Variants in CST4 observed in about 807,000 individuals in gnomAD.
CST4 encodes cystatin S.
In CST4, 17 loss-of-function variants were observed where a neutral mutation model predicts 11.2. The ratio of observed to expected loss-of-function variants is 1.52; its 90% CI spans 1.04 to 2.27. The LOEUF is 2.27. CST4 is among the 30% of genes most tolerant of loss of function. The pLI is 0.00. For synonymous variants in CST4, 93 were observed against 70.1 expected (o/e 1.33, Z -1.63); for missense variants, 251 against 180.2 (o/e 1.39, Z -2.25).
At chr20:23,686,421 C>G (rs2405675) in intron 2 of CST4, among the ~76,000 whole-genome samples, 9 of 152,092 alleles carry the variant, frequency 5.9e-5, no homozygotes, top group Non-Finnish European at 4.4e-5. Flanking sequence ...AGGGGAGTGC[C>G]GCTCTCCCCT....
chr20:23,688,588 G>T (rs1051400666), intron 1 of CST4, among the ~76,000 whole-genome samples, 154 bp downstream of exon 1: 2 of 152,194 alleles, frequency 1.3e-5, no homozygotes, highest in Non-Finnish European at 1.5e-5. Flanking sequence ...GCATGCTTAG[G>T]CATGAAGGGC....
At chr20:23,687,569 A>G (rs1024513903) in intron 1 of CST4, among the ~76,000 whole-genome samples, 2 of 152,216 alleles carry the variant, frequency 1.3e-5, no homozygotes, top group African/African-American at 4.8e-5. Context: ...AGAGTAGGAA[A>G]TGAGATGCTT....
chr20:23,685,922 A>C lies in CST4; in HGVS notation c.398T>G (p.Leu133Arg). The C allele has an allele frequency of 6.2e-7, 1 of 1,614,130 alleles. No individual in the cohort carries two copies. Among genetic ancestry groups the C allele is most frequent in the Non-Finnish European group, 8.5e-7 (1 of 1,179,944 alleles). The change falls in exon 3 of 3, where the codon CTG becomes CGG. Residue 133 changes from leucine (L) to arginine (R), a missense_variant. Physicochemically the swap from Leu to Arg is moderately radical, Grantham distance 102. Coordinates refer to ENST00000217423, the MANE Select transcript of CST4 (RefSeq NM_001899.3). ...GGCTTCTTGACACCTGGAATTCACC[A>C]GGGACATTCTGTCCTCCCAGGGAAC... ...YEVPWEDRMSLVNSRCQEA is the reference protein window; with the variant it reads ...YEVPWEDRMSRVNSRCQEA
intron 2 of CST4, 68 bp downstream of exon 2, chr20:23,687,020 A>G (rs6048993): frequency 0.18 from 291,100 of 1,598,164 alleles, 29,188 homozygotes; most frequent in African/African-American, 0.38. Flanking sequence ...CATGGGTAGG[A>G]CAGAGGCTGA....
chr20:23,687,972 G>A (rs1226711466), intron 1 of CST4, among the ~76,000 whole-genome samples: 4 of 152,214 alleles, frequency 2.6e-5, no homozygotes, highest in Admixed American at 6.5e-5. Context: ...GGCTCCAGCT[G>A]ACAGCTGTAG....
Position 23,688,369 on chromosome 20 carries a change from C to A in CST4, c.228+373G>T, listed in dbSNP as rs184029982. On this transcript the variant is annotated intron_variant, in intron 1 of 2. Coordinates refer to ENST00000217423, the MANE Select transcript of CST4 (RefSeq NM_001899.3). The stretch of plus-strand genomic sequence containing the variant: ...ACAGGGAGCCAGGTTCCCATGTGGC[C>A]CCTGAGGAGAGGACTCAGGGAGGAG... Among the ~76,000 whole-genome samples, 36 of 152,264 alleles carry A rather than the reference C, an allele frequency of 2.4e-4. No homozygotes were observed. The East Asian group carries it at 6.4e-3, about 27-fold the overall frequency.
In CST4 at chr20:23,688,940, G is replaced by A. The variant is rs560056822; in HGVS notation, c.30C>T (p.Leu10=). Residue 10 remains leucine (L), a synonymous_variant, in exon 1 of 3, where the codon CTC becomes CTT. Coordinates refer to ENST00000217423, the MANE Select transcript of CST4 (RefSeq NM_001899.3). ...GAGCCCCAGCCAGGGTAGCCATCAG[G>A]AGTAGCAGGGTACACAGAGGCCGGG... MARPLCTLL[L]LMATLAGALA... The A allele has an allele frequency of 1.2e-6, 2 of 1,614,054 alleles. No individual in the cohort carries two copies.
At chr20:23,687,259 C>A in intron 1 of CST4, 58 bp from the exon 2 acceptor site, 13 of 1,570,582 alleles carry the variant, frequency 8.3e-6, no homozygotes, top group Non-Finnish European at 1.1e-5. Context: ...CATGCACTCA[C>A]AGGCACTTCA....
chr20:23,686,469 A>T (rs1981044974), intron 2 of CST4, among the ~76,000 whole-genome samples: 1 of 152,136 alleles, frequency 6.6e-6, no homozygotes, highest in Non-Finnish European at 1.5e-5. Flanking sequence ...GTTCTTGGAG[A>T]GGCTGGTGTT....
chr20:23,686,310 C>G (rs1247470755), intron 2 of CST4, among the ~76,000 whole-genome samples: 1 of 152,140 alleles, frequency 6.6e-6, no homozygotes, highest in Non-Finnish European at 1.5e-5. Flanking sequence ...CCAGCTCCTT[C>G]CACCTCCAGC....
In CST4 at chr20:23,687,181, G is replaced by A. The variant is rs1020774941; in HGVS notation, c.249C>T (p.Tyr83=). The change falls in exon 2 of 3, where the codon TAC becomes TAT. Residue 83 remains tyrosine (Y), a synonymous_variant. Transcript: ENST00000217423. ...TGCGGCCCACCTCTACGTCGAAGAA[G>A]TAATTCACCCCCCCAAAGGTCTGCA... ...AREQTFGGVN[Y]FFDVEVGRTI... 1.9e-6 allele frequency: 3 copies of A among 1,614,070 alleles called. No individual in the cohort carries two copies. Among genetic ancestry groups the A allele is most frequent in the African/African-American group, 2.7e-5 (2 of 74,944 alleles).
In CST4 at chr20:23,685,780, G is replaced by A. The variant is rs1021122282; in HGVS notation, c.*114C>T. 1 of 1,058,246 alleles carries A rather than the reference G, an allele frequency of 9.4e-7. No homozygotes were observed. The allele number at this position is 1,058,246 out of a possible 1,614,324, so 65.6% of individuals were successfully genotyped here. A position where few individuals can be genotyped will look rare whatever the true frequency, so the allele number is the denominator to read the frequency against. ...CTGCAGCCTTCTCTGTCTGTCTCTT[G>A]GCACAGGCACATGGGGAGGCCTCCC... is the stretch of plus-strand genomic sequence containing the variant. On this transcript the variant is annotated 3_prime_UTR_variant, in exon 3 of 3. Transcript: ENST00000217423.
At position 23,685,893 on chromosome 20, in the gene CST4, C is replaced by T; in HGVS notation, c.*1G>A. On this transcript the variant is annotated 3_prime_UTR_variant, in exon 3 of 3. Transcript: ENST00000217423. ...CGGTGTGACTGGCCTGGCACAGACCCCTAGGCTTCTTGACACCTGGAATTC... is the reference window on the plus strand; with the variant it reads ...CGGTGTGACTGGCCTGGCACAGACCTCTAGGCTTCTTGACACCTGGAATTC... 6.2e-7 allele frequency: 1 copy of T among 1,613,972 alleles called. No individual in the cohort carries two copies. The highest frequency in any genetic ancestry group is 8.5e-7 in the Non-Finnish European group (1 of 1,179,874).
chr20:23,685,810 G>A lies in CST4; in HGVS notation c.*84C>T, dbSNP rs905283044. The stretch of plus-strand genomic sequence containing the variant: ...AGGCACATGGGGAGGCCTCCCGCAG[G>A]GTGGGGGCCACCAGTCCAGGGGTGG... On this transcript the variant is annotated 3_prime_UTR_variant, in exon 3 of 3. Transcript: ENST00000217423. 1.1e-4 allele frequency: 158 copies of A among 1,454,916 alleles called. No homozygotes were observed. The highest frequency in any genetic ancestry group is 1.4e-4 in the Non-Finnish European group (147 of 1,044,624). The allele number at this position is 1,454,916 out of a possible 1,614,324, so 90.1% of individuals were successfully genotyped here.
rs201839780 is a variant in CST4, at chr20:23,687,224, A to G, written c.229-23T>C. The G allele has an allele frequency of 6.8e-4, 1,094 of 1,607,644 alleles. 16 individuals carry two copies. In the African/African-American group the frequency reaches 0.014, roughly 20 times the overall value. ...GGTCTGCACACAGGAGAAAACAGGA[A>G]GCACGGACAGCGCCCCCATCAGTTC... On this transcript the variant is annotated intron_variant, in intron 1 of 2. Coordinates refer to ENST00000217423, the MANE Select transcript of CST4 (RefSeq NM_001899.3).
chr20:23,685,992 A>G lies in CST4; in HGVS notation c.343-15T>C, dbSNP rs187785366. ...CACAACTGTTTCTGTGAAAGGGAAG[A>G]GAGAGGGCCAATCAGTGTGGGTTAC... On this transcript the variant is annotated splice_polypyrimidine_tract_variant and intron_variant, in intron 2 of 2. Coordinates refer to ENST00000217423, the MANE Select transcript of CST4 (RefSeq NM_001899.3). 303 of 1,611,788 alleles carry G rather than the reference A, an allele frequency of 1.9e-4. 1 individual carries two copies. The East Asian group carries it at 6.7e-3, about 36-fold the overall frequency.
chr20:23,686,256 G>A (rs1164732496), intron 2 of CST4, among the ~76,000 whole-genome samples: 8 of 152,118 alleles, frequency 5.3e-5, no homozygotes, highest in African/African-American at 1.4e-4. Flanking sequence ...GCAAGGCCTC[G>A]GGAGCCCCAA....
intron 2 of CST4, among the ~76,000 whole-genome samples, chr20:23,686,373 T>G (rs1426649315): frequency 6.6e-6 from 1 of 151,726 alleles, no homozygotes. Context: ...GCAGGGCAAC[T>G]CCCCCTCAAA....
chr20:23,687,155 G>A lies in CST4; in HGVS notation c.275C>T (p.Thr92Ile). The change falls in exon 2 of 3, where the codon ACC becomes ATC. Residue 92 changes from threonine (T) to isoleucine (I), a missense_variant. Physicochemically the swap from Thr to Ile is moderately conservative, Grantham distance 89. Coordinates refer to ENST00000217423, the MANE Select transcript of CST4 (RefSeq NM_001899.3). ...NYFFDVEVGR[T>I]ICTKSQPNLD... Reference sequence around the variant, plus strand: ...GTTGGGCTGGGACTTGGTACATATGGTGCGGCCCACCTCTACGTCGAAGAA... The same window carrying A: ...GTTGGGCTGGGACTTGGTACATATGATGCGGCCCACCTCTACGTCGAAGAA... 3 of 1,614,092 alleles carry A rather than the reference G, an allele frequency of 1.9e-6. No individual in the cohort carries two copies. The highest frequency in any genetic ancestry group is 2.5e-6 in the Non-Finnish European group (3 of 1,180,012).
Sources: allele counts gnomAD v4.1 joint callset (sites outside exome capture counted in the v4.1 genomes callset), GRCh38; gene constraint gnomAD v4.1.1; transcripts MANE v1.5; gene names NCBI Gene and HGNC (gene_info 2026-07-23, HGNC 2026-07-21).